FNDC3B: variants seen among roughly 807,000 people sequenced by gnomAD.
FNDC3B encodes fibronectin type III domain containing 3B, also known as fibronectin type III domain-containing protein 3B.
Under a neutral mutation model 151.5 loss-of-function variants are expected in FNDC3B, and 12 were observed. The observed-to-expected ratio is 0.08, with a 90% CI of 0.05 to 0.13. The LOEUF (loss-of-function observed/expected upper bound fraction) is 0.13. Among genes scored for constraint, FNDC3B ranks in the 10% least tolerant of loss-of-function variants. The probability of loss-of-function intolerance (pLI) is 1.00; values close to 1 mark genes in which losing one functional copy is unlikely to be tolerated. For synonymous variants in FNDC3B, 528 were observed against 549.0 expected (o/e 0.96, Z 0.54); for missense variants, 1,214 against 1,505.3 (o/e 0.81, Z 3.20).
chr3:172,079,309 C>T (rs945446923), intron 1 of FNDC3B, among the ~76,000 whole-genome samples: 5 of 152,172 alleles, frequency 3.3e-5, no homozygotes, highest in African/African-American at 4.8e-5. Flanking sequence ...CTGCGTGGTC[C>T]TCATGCTTGT....
intron 3 of FNDC3B, among the ~76,000 whole-genome samples, chr3:172,208,200 A>G (rs1371088062): frequency 6.6e-6 from 1 of 152,210 alleles, no homozygotes; most frequent in Non-Finnish European, 1.5e-5. Context: ...TGGGAAAGAA[A>G]AACCGAAGGT....
At chr3:172,071,579 A>T (rs961533424) in intron 1 of FNDC3B, among the ~76,000 whole-genome samples, 5 of 151,718 alleles carry the variant, frequency 3.3e-5, no homozygotes, top group Non-Finnish European at 7.4e-5. Context: ...ATCAGAATTA[A>T]TTTTTTTTTA....
chr3:172,163,942 G>T (rs1023114929), intron 3 of FNDC3B, among the ~76,000 whole-genome samples: 7 of 152,304 alleles, frequency 4.6e-5, no homozygotes, highest in Admixed American at 3.9e-4. Context: ...CAGTCTGTTG[G>T]TTGCTTCTGT....
chr3:172,289,856 G>A (rs1452016754), intron 7 of FNDC3B, among the ~76,000 whole-genome samples: 3 of 152,198 alleles, frequency 2.0e-5, no homozygotes, highest in Admixed American at 6.5e-5. Context: ...ACCTGTCTTT[G>A]TGACCTTGGG....
In FNDC3B at chr3:172,329,030, A is replaced by G. The variant is rs1732498782; in HGVS notation, c.1333A>G (p.Met445Val). The G allele has an allele frequency of 1.9e-6, 3 of 1,613,814 alleles. No homozygotes were observed. Among genetic ancestry groups the G allele is most frequent in the South Asian group, 2.2e-5 (2 of 91,054 alleles). ...HCKLTKLCPA[M>V]GYTFRLAARN... ...CAAGTTGACAAAGCTTTGTCCGGCA[A>G]TGGGGTACACATTCAGGCTGGCCGC... The change falls in exon 12 of 26, where the codon ATG (methionine) becomes GTG (valine). Residue 445 changes from methionine to valine, a missense_variant. By Grantham distance (21) the Met-to-Val change is conservative. This residue lies in a region of FNDC3B where 156 missense variants were observed against 225.3 expected (regional missense o/e 0.69). Coordinates refer to ENST00000415807, the MANE Select transcript of FNDC3B (RefSeq NM_022763.4).
chr3:172,127,283 G>T (rs1720850098), intron 2 of FNDC3B, among the ~76,000 whole-genome samples: 1 of 152,188 alleles, frequency 6.6e-6, no homozygotes, highest in Non-Finnish European at 1.5e-5. Flanking sequence ...CCAGTTAACT[G>T]CATTCTCTTA....
chr3:172,253,196 A>C (rs1448158100), intron 6 of FNDC3B, among the ~76,000 whole-genome samples: 1 of 152,236 alleles, frequency 6.6e-6, no homozygotes, highest in African/African-American at 2.4e-5. Context: ...TGACTTAGAC[A>C]CAAAGAAGCA....
At chr3:172,328,774 T>C (rs1190230494) in intron 11 of FNDC3B, among the ~76,000 whole-genome samples, 178 bp from the exon 12 acceptor site, 2 of 152,222 alleles carry the variant, frequency 1.3e-5, no homozygotes, top group African/African-American at 4.8e-5. Context: ...GAGATTTCAT[T>C]GTAGAATGCT....
At chr3:172,241,090 G>C (rs893441757) in intron 4 of FNDC3B, among the ~76,000 whole-genome samples, 2 of 152,170 alleles carry the variant, frequency 1.3e-5, no homozygotes, top group East Asian at 1.9e-4. Flanking sequence ...ATTAGCCTGA[G>C]CAAGATGGCT....
intron 11 of FNDC3B, chr3:172,316,296 A>G (rs1731786201): frequency 2.4e-6 from 1 of 414,544 alleles, no homozygotes; most frequent in Admixed American, 3.0e-5. Flanking sequence ...CACCATGCCC[A>G]GCCCTGCTTC....
At chr3:172,253,530 G>A (rs1178591377) in intron 6 of FNDC3B, among the ~76,000 whole-genome samples, 2 of 152,004 alleles carry the variant, frequency 1.3e-5, no homozygotes, top group East Asian at 1.9e-4. Context: ...AGTTTACTGC[G>A]GCTGACATCT....
At chr3:172,090,059 A>T (rs952178248) in intron 1 of FNDC3B, among the ~76,000 whole-genome samples, 1 of 152,218 alleles carries the variant, frequency 6.6e-6, no homozygotes, top group Non-Finnish European at 1.5e-5. Context: ...TAAAATTTTT[A>T]AAATTAGTCT....
chr3:172,130,675 T>G (rs1721037233), intron 2 of FNDC3B, among the ~76,000 whole-genome samples: 1 of 152,238 alleles, frequency 6.6e-6, no homozygotes, highest in Non-Finnish European at 1.5e-5. Context: ...TCCGGACATG[T>G]CCCAATTCAG....
At chr3:172,265,754 C>CAT (rs1438403852) in intron 6 of FNDC3B, among the ~76,000 whole-genome samples, 1 of 152,126 alleles carries the variant, frequency 6.6e-6, no homozygotes, top group Admixed American at 6.5e-5. Context: ...TATTCAATTT[C>CAT]ATAAGTCTTC....
chr3:172,256,682 TTTTC>T (rs1356497407), intron 6 of FNDC3B, among the ~76,000 whole-genome samples: 2 of 152,202 alleles, frequency 1.3e-5, no homozygotes, highest in Non-Finnish European at 2.9e-5. Context: ...CAGGATCCAG[TTTTC>T]TAACTGAAAT....
intron 1 of FNDC3B, among the ~76,000 whole-genome samples, chr3:172,044,301 T>TC (rs2108449786): frequency 6.6e-6 from 1 of 151,332 alleles, no homozygotes; most frequent in African/African-American, 2.4e-5. Flanking sequence ...TTTTTTTTTT[T>TC]TGGTGTGCTA....
intron 2 of FNDC3B, among the ~76,000 whole-genome samples, chr3:172,115,682 C>T (rs910085506): frequency 2.0e-5 from 3 of 152,134 alleles, no homozygotes; most frequent in African/African-American, 7.2e-5. Context: ...AGGCACTGTA[C>T]AACAGACCCT....
chr3:172,370,309 C>A (rs950975563), intron 23 of FNDC3B, among the ~76,000 whole-genome samples: 3 of 152,110 alleles, frequency 2.0e-5, no homozygotes, highest in African/African-American at 7.2e-5. Context: ...ATGTATATTA[C>A]ATTTCCCCCT....
At chr3:172,303,757 AT>A (rs1305858277) in intron 9 of FNDC3B, among the ~76,000 whole-genome samples, 1 of 152,122 alleles carries the variant, frequency 6.6e-6, no homozygotes, top group East Asian at 1.9e-4. Context: ...TTCTTTTAAA[AT>A]GTAGCATCAT....
Sources: allele counts gnomAD v4.1 joint callset (sites outside exome capture counted in the v4.1 genomes callset), GRCh38; gene constraint gnomAD v4.1.1; regional missense constraint gnomAD v4.1.1; transcripts MANE v1.5; gene names NCBI Gene and HGNC (gene_info 2026-07-23, HGNC 2026-07-21).